Variants in FAT3 observed in about 807,000 individuals in gnomAD.
FAT3 encodes the protein FAT atypical cadherin 3, also known as protocadherin Fat 3.
Under a neutral mutation model 310.2 loss-of-function variants are expected in FAT3, and 95 were observed. The ratio of observed to expected loss-of-function variants is 0.31; its 90% CI spans 0.26 to 0.36. The LOEUF (loss-of-function observed/expected upper bound fraction) is 0.36. FAT3 is among the 10% of genes least tolerant of loss of function. The probability of loss-of-function intolerance (pLI) is 1.00; values close to 1 mark genes in which losing one functional copy is unlikely to be tolerated. For synonymous variants in FAT3, 2,314 were observed against 2,192.9 expected (o/e 1.06, Z -1.54); for missense variants, 5,408 against 5,715.6 (o/e 0.95, Z 1.74).
chr11:92,235,660 TA>T (rs1864388448), intron 1 of FAT3, among the ~76,000 whole-genome samples: 1 of 152,238 alleles, frequency 6.6e-6, no homozygotes, highest in East Asian at 1.9e-4. Context: ...CTCTTTGAGC[TA>T]TTAAGACTGC....
chr11:92,532,309 C>A (rs1330758404), intron 3 of FAT3, among the ~76,000 whole-genome samples: 2 of 152,128 alleles, frequency 1.3e-5, no homozygotes, highest in South Asian at 2.1e-4. Flanking sequence ...CACAACTGAC[C>A]ATTCTTCATC....
intron 1 of FAT3, among the ~76,000 whole-genome samples, chr11:92,232,009 A>C (rs927342737): frequency 1.3e-5 from 2 of 152,120 alleles, no homozygotes; most frequent in Non-Finnish European, 2.9e-5. Context: ...GTGGTTTGAA[A>C]TTCTCTGTTG....
At chr11:92,728,144 C>G (rs1945055776) in intron 4 of FAT3, among the ~76,000 whole-genome samples, 1 of 152,156 alleles carries the variant, frequency 6.6e-6, no homozygotes, top group South Asian at 2.1e-4. Context: ...GAGGCTATTT[C>G]TGAAATCATC....
intron 2 of FAT3, among the ~76,000 whole-genome samples, chr11:92,451,811 A>C (rs551688498): frequency 1.3e-5 from 2 of 152,330 alleles, no homozygotes; most frequent in Admixed American, 1.3e-4. Context: ...ACTTTGTTGC[A>C]GTAAAACCAA....
At chr11:92,529,629 A>G (rs1401673693) in intron 3 of FAT3, among the ~76,000 whole-genome samples, 1 of 152,228 alleles carries the variant, frequency 6.6e-6, no homozygotes, top group African/African-American at 2.4e-5. Context: ...AAACACATAC[A>G]TAAAAGAGAC....
chr11:92,695,848 A>G (rs566489443), intron 3 of FAT3, among the ~76,000 whole-genome samples: 1 of 152,318 alleles, frequency 6.6e-6, no homozygotes, highest in Admixed American at 6.5e-5. Context: ...AGGGCAGAGC[A>G]GATGGCCACC....
At position 92,355,365 on chromosome 11, in the gene FAT3, G is replaced by A. The variant is rs1435628667; in HGVS notation, c.3253G>A (p.Gly1085Ser). Residue 1085 changes from glycine to serine, a missense_variant, in exon 2 of 28, where the codon GGC (glycine) becomes AGC (serine). Physicochemically the swap from Gly to Ser is moderately conservative, Grantham distance 56 (BLOSUM62 0). Around this residue, in one of 5 missense-constraint regions of FAT3, gnomAD observed 4,588 missense variants for 4,809.8 expected, o/e 0.95. Coordinates refer to ENST00000525166, the MANE Select transcript of FAT3 (RefSeq NM_001367949.2). Reference sequence around the variant, plus strand: ...AGAGATCCAGTACTCCATCAGGGATGGCAGTGGTCTTGGAAGGTTCAGTAT... The same window carrying A: ...AGAGATCCAGTACTCCATCAGGGATAGCAGTGGTCTTGGAAGGTTCAGTAT... ...DGEIQYSIRD[G>S]SGLGRFSIDD... is the part of the protein sequence containing the mutation. The A allele has an allele frequency of 6.2e-7, 1 of 1,613,656 alleles. No individual in the cohort carries two copies. The highest frequency in any genetic ancestry group is 8.5e-7 in the Non-Finnish European group (1 of 1,179,810).
At chr11:92,437,501 T>G (rs1950965158) in intron 2 of FAT3, among the ~76,000 whole-genome samples, 1 of 152,186 alleles carries the variant, frequency 6.6e-6, no homozygotes, top group South Asian at 2.1e-4. Context: ...AGAGCTATTT[T>G]AAGTAAACAA....
intron 3 of FAT3, among the ~76,000 whole-genome samples, chr11:92,586,163 G>T (rs1281214458): frequency 6.6e-6 from 1 of 151,898 alleles, no homozygotes; most frequent in Non-Finnish European, 1.5e-5. Flanking sequence ...AGAGGTACTG[G>T]TATATTCTCA....
intron 2 of FAT3, among the ~76,000 whole-genome samples, chr11:92,463,044 G>A (rs1288386761): frequency 6.6e-6 from 1 of 152,226 alleles, no homozygotes; most frequent in Non-Finnish European, 1.5e-5. Flanking sequence ...TCAGCGTGGA[G>A]CAGCCTGCTT....
chr11:92,666,702 G>C (rs1349332339), intron 3 of FAT3, among the ~76,000 whole-genome samples: 2 of 152,012 alleles, frequency 1.3e-5, no homozygotes, highest in Non-Finnish European at 2.9e-5. Flanking sequence ...TAGGTTTCTG[G>C]TGTGAATTGT....
Position 92,801,888 on chromosome 11 carries a change from C to G in FAT3, c.8875C>G (p.Gln2959Glu). ...CAGAGACACATCCGACGTTAATCGC[C>G]AAGTGAGCTACCATATTACAGGTGA... Reference protein sequence around the residue: ...WDRDTSDVNRQVSYHITGGNP... With the variant: ...WDRDTSDVNREVSYHITGGNP... The change falls in exon 10 of 28, where the codon CAA becomes GAA. Residue 2959 changes from glutamine (Q) to glutamate (E), a missense_variant. Gln to Glu is a conservative substitution (Grantham distance 29). Coordinates refer to ENST00000525166, the MANE Select transcript of FAT3 (RefSeq NM_001367949.2). The G allele has an allele frequency of 6.2e-7, 1 of 1,613,712 alleles. No homozygotes were observed. Among genetic ancestry groups the G allele is most frequent in the Middle Eastern group, 1.7e-4 (1 of 6,060 alleles).
chr11:92,862,308 G>C (rs1949137514), intron 21 of FAT3, among the ~76,000 whole-genome samples: 1 of 152,086 alleles, frequency 6.6e-6, no homozygotes, highest in Admixed American at 6.6e-5. Flanking sequence ...AAGAAACATG[G>C]CATTCTTTTT....
At chr11:92,332,359 A>G (rs1048125640) in intron 1 of FAT3, among the ~76,000 whole-genome samples, 12 of 152,212 alleles carry the variant, frequency 7.9e-5, no homozygotes, top group Non-Finnish European at 1.8e-4. Context: ...CATGGTGGGT[A>G]AGAGCCTAGG....
chr11:92,579,232 A>G (rs1938654995), intron 3 of FAT3, among the ~76,000 whole-genome samples: 1 of 152,124 alleles, frequency 6.6e-6, no homozygotes, highest in African/African-American at 2.4e-5. Context: ...TAGGAAGCAG[A>G]ATCTGTTAAG....
chr11:92,616,651 A>G (rs1046709973), intron 3 of FAT3, among the ~76,000 whole-genome samples: 26 of 151,986 alleles, frequency 1.7e-4, no homozygotes, highest in African/African-American at 6.3e-4. Context: ...TTCCTTCAGG[A>G]GCTCTTGTAA....
chr11:92,380,740 G>A (rs1419188006), intron 2 of FAT3, among the ~76,000 whole-genome samples: 1 of 152,148 alleles, frequency 6.6e-6, no homozygotes, highest in African/African-American at 2.4e-5. Flanking sequence ...TCTATGAGTG[G>A]GTGCTGGAAT....
intron 2 of FAT3, among the ~76,000 whole-genome samples, chr11:92,445,104 A>G (rs1303453782): frequency 1.3e-5 from 2 of 152,220 alleles, no homozygotes; most frequent in South Asian, 2.1e-4. Context: ...AAATCTGCTG[A>G]CCTGACACTG....
At chr11:92,868,482 G>C (rs1289209907) in intron 22 of FAT3, among the ~76,000 whole-genome samples, 1 of 152,152 alleles carries the variant, frequency 6.6e-6, no homozygotes, top group African/African-American at 2.4e-5. Flanking sequence ...TACTTCAGTG[G>C]TTCTATAAAC....
Sources: allele counts gnomAD v4.1 joint callset (sites outside exome capture counted in the v4.1 genomes callset), GRCh38; gene constraint gnomAD v4.1.1; regional missense constraint gnomAD v4.1.1; transcripts MANE v1.5; gene names NCBI Gene and HGNC (gene_info 2026-07-23, HGNC 2026-07-21).